The following APBA1 variants were observed in gnomAD, a reference collection of about 807,000 sequenced individuals.
APBA1 encodes amyloid-beta A4 precursor protein-binding family A member 1.
Under a neutral mutation model 86.6 loss-of-function variants are expected in APBA1, and 55 were observed. The ratio of observed to expected loss-of-function variants is 0.64; its 90% CI spans 0.51 to 0.80. The LOEUF is 0.80. APBA1 is among the 30% of genes least tolerant of loss of function. APBA1 has a pLI of 0.00. For missense variants in APBA1, 1,090 were observed against 1,183.0 expected (o/e 0.92, Z 1.15); for synonymous variants, 511 against 493.9 (o/e 1.03, Z -0.46).
intron 1 of APBA1, among the ~76,000 whole-genome samples, chr9:69,561,888 A>T (rs1327413029): frequency 1.3e-5 from 2 of 152,062 alleles, no homozygotes; most frequent in Non-Finnish European, 2.9e-5. Context: ...CGGTTTCCCA[A>T]AGTACTGGGA....
At chr9:69,457,400 G>C (rs1297267781) in intron 6 of APBA1, among the ~76,000 whole-genome samples, 1 of 152,194 alleles carries the variant, frequency 6.6e-6, no homozygotes, top group Non-Finnish European at 1.5e-5. Flanking sequence ...CACTGCAGTA[G>C]ATTTCACTCT....
intron 1 of APBA1, among the ~76,000 whole-genome samples, chr9:69,576,300 C>T (rs1274463186): frequency 3.3e-5 from 5 of 152,152 alleles, no homozygotes; most frequent in African/African-American, 4.8e-5. Flanking sequence ...GTCAGTGTGG[C>T]GATTCCTCAG....
intron 1 of APBA1, among the ~76,000 whole-genome samples, chr9:69,542,203 C>G (rs1022069926): frequency 6.6e-6 from 1 of 152,194 alleles, no homozygotes. Flanking sequence ...TTGCCTCCCC[C>G]ACCATTAACA....
chr9:69,628,587 C>T (rs1361142353), intron 1 of APBA1, among the ~76,000 whole-genome samples: 1 of 152,120 alleles, frequency 6.6e-6, no homozygotes, highest in African/African-American at 2.4e-5. Context: ...GCCATGGCAA[C>T]CATTCCAAAG....
intron 1 of APBA1, among the ~76,000 whole-genome samples, chr9:69,548,369 C>T (rs1836730449): frequency 6.6e-6 from 1 of 152,150 alleles, no homozygotes; most frequent in South Asian, 2.1e-4. Flanking sequence ...CTCCATGGGA[C>T]CTGTGTCAGC....
Position 69,441,185 on chromosome 9 carries a change from C to A in APBA1, c.2182-70G>T. The A allele has an allele frequency of 2.6e-6, 4 of 1,542,184 alleles. No homozygotes were observed. In the East Asian group the frequency reaches 6.8e-5, roughly 26 times the overall value. On this transcript the variant is annotated intron_variant, in intron 10 of 12. Transcript: ENST00000265381. ...AGACAGAATAAACAAAAGCAGGCAG[C>A]ACCAAAGGCAAAAGAAGCTGCACTG...
At chr9:69,468,957 C>T (rs1835324332) in intron 4 of APBA1, among the ~76,000 whole-genome samples, 1 of 149,052 alleles carries the variant, frequency 6.7e-6, no homozygotes, top group Non-Finnish European at 1.5e-5. Flanking sequence ...CTCTGCCTCC[C>T]AGGTTCAAGG....
chr9:69,459,112 T>C (rs913291051), intron 5 of APBA1, among the ~76,000 whole-genome samples: 53 of 152,232 alleles, frequency 3.5e-4, no homozygotes, highest in African/African-American at 1.3e-3. Flanking sequence ...CCTCTAGTTA[T>C]CTTTTTCTGC....
At chr9:69,542,847 C>T (rs1836636609) in intron 1 of APBA1, among the ~76,000 whole-genome samples, 1 of 152,162 alleles carries the variant, frequency 6.6e-6, no homozygotes. Context: ...CAGTATTTCA[C>T]CCTAGTTGTA....
At chr9:69,569,917 T>C (rs867093912) in intron 1 of APBA1, among the ~76,000 whole-genome samples, 20 of 152,182 alleles carry the variant, frequency 1.3e-4, no homozygotes, top group Middle Eastern at 3.2e-3. Context: ...TAATCTTCAT[T>C]GTGGGTGAGT....
chr9:69,457,468 A>C (rs1835118153), intron 6 of APBA1, among the ~76,000 whole-genome samples: 1 of 152,224 alleles, frequency 6.6e-6, no homozygotes, highest in South Asian at 2.1e-4. Context: ...AACAGATTGA[A>C]GAAATAGGCC....
chr9:69,527,916 A>G (rs1836368525), intron 1 of APBA1, among the ~76,000 whole-genome samples: 1 of 152,146 alleles, frequency 6.6e-6, no homozygotes, highest in African/African-American at 2.4e-5. Flanking sequence ...TATCATGCTA[A>G]TATCATGCAC....
chr9:69,448,862 C>A (rs1175542648), intron 10 of APBA1, among the ~76,000 whole-genome samples: 1 of 152,214 alleles, frequency 6.6e-6, no homozygotes, highest in African/African-American at 2.4e-5. Flanking sequence ...ACTGGCCATG[C>A]ATTCAGCAAG....
chr9:69,601,944 C>G (rs539089319), intron 1 of APBA1, among the ~76,000 whole-genome samples: 2 of 152,270 alleles, frequency 1.3e-5, no homozygotes, highest in South Asian at 4.1e-4. Context: ...GATTTTTAAC[C>G]AGATAACTAC....
chr9:69,460,600 T>G (rs889237425), intron 5 of APBA1: 4 of 152,190 alleles, frequency 2.6e-5, no homozygotes, highest in Admixed American at 2.0e-4. Context: ...GGGAACCGAT[T>G]TGAAATAACT....
intron 1 of APBA1, among the ~76,000 whole-genome samples, chr9:69,539,117 C>T (rs1255804511): frequency 6.6e-6 from 1 of 152,094 alleles, no homozygotes; most frequent in East Asian, 1.9e-4. Flanking sequence ...CAGGCTCAGT[C>T]TTTGGACTCA....
intron 2 of APBA1, among the ~76,000 whole-genome samples, chr9:69,477,019 C>T (rs1294046088): frequency 1.3e-5 from 2 of 152,192 alleles, no homozygotes; most frequent in African/African-American, 4.8e-5. Context: ...CAGCCTATAG[C>T]CAAACATTGT....
intron 2 of APBA1, 150 bp downstream of exon 2, chr9:69,515,861 G>A: frequency 1.3e-6 from 1 of 763,260 alleles, no homozygotes; most frequent in Non-Finnish European, 2.0e-6. Context: ...TTAGGTGCAA[G>A]CTGTTTCTGA....
chr9:69,538,734 C>A (rs1315910116), intron 1 of APBA1, among the ~76,000 whole-genome samples: 1 of 152,188 alleles, frequency 6.6e-6, no homozygotes, highest in Admixed American at 6.5e-5. Context: ...ACTTTGGAGT[C>A]AAAAAGATTC....
Sources: gnomAD v4.1 joint callset for allele counts (sites outside exome capture counted in the v4.1 genomes callset) on GRCh38, gnomAD v4.1.1 for gene constraint, MANE v1.5 for transcripts, NCBI Gene and HGNC (gene_info 2026-07-23, HGNC 2026-07-21) for gene names.